PKHD1L1: variants seen among roughly 807,000 people sequenced by gnomAD.
PKHD1L1 encodes PKHD1 like 1, also known as fibrocystin-L.
In PKHD1L1, 434 loss-of-function variants were observed where a neutral mutation model predicts 462.9. The ratio of observed to expected loss-of-function variants is 0.94; its 90% confidence interval spans 0.87 to 1.02. PKHD1L1 has a LOEUF of 1.02. Among genes scored for constraint, PKHD1L1 ranks in the 50% least tolerant of loss-of-function variants. PKHD1L1 has a pLI of 0.00. For synonymous variants in PKHD1L1, 1,781 were observed against 1,750.0 expected (o/e 1.02, Z -0.44); for missense variants, 5,202 against 5,096.1 (o/e 1.02, Z -0.63).
chr8:109,399,148 A>G (rs1304034096), intron 12 of PKHD1L1, among the ~76,000 whole-genome samples: 1 of 152,186 alleles, frequency 6.6e-6, no homozygotes, highest in Non-Finnish European at 1.5e-5. Context: ...ATTTGAAGCC[A>G]AATGAATCGT....
rs71303459 is a variant in PKHD1L1 at position 109,410,726 on chromosome 8, C to CTTTTTTTTTT, written c.2085+760_2085+769dup. 4.0e-3 allele frequency among the ~76,000 whole-genome samples: 271 copies of CTTTTTTTTTT among 68,390 alleles called. 10 individuals carry two copies. The highest frequency in any genetic ancestry group is 0.012 in the Middle Eastern group (2 of 166). The allele number at this position is 68,390 out of a possible 152,430, so 44.9% of individuals were successfully genotyped here. A position where few individuals can be genotyped will look rare whatever the true frequency, so the allele number is the denominator to read the frequency against. ...TTCTTTTTTCTTTTCTTTTCTTTTT[C>CTTTTTTTTTT]TTTTTTTTTTTTTTTTTTTTTGAGA... On this transcript the variant is annotated intron_variant, in intron 19 of 77. Coordinates refer to ENST00000378402, the MANE Select transcript of PKHD1L1 (RefSeq NM_177531.6).
chr8:109,439,934 T>C (rs1815677906), intron 32 of PKHD1L1, among the ~76,000 whole-genome samples: 1 of 152,094 alleles, frequency 6.6e-6, no homozygotes, highest in African/African-American at 2.4e-5. Flanking sequence ...CATCTCTTGG[T>C]TTCACAGGGC....
At chr8:109,465,379 G>A in intron 49 of PKHD1L1, 134 bp downstream of exon 49, 1 of 956,254 alleles carries the variant, frequency 1.0e-6, no homozygotes, top group Admixed American at 2.9e-5. Flanking sequence ...TAATTTAAAT[G>A]ATAGAGGCAA....
At chr8:109,381,914 A>T (rs955470179) in intron 3 of PKHD1L1, among the ~76,000 whole-genome samples, 2 of 152,170 alleles carry the variant, frequency 1.3e-5, no homozygotes, top group Admixed American at 1.3e-4. Context: ...TGACATTTCA[A>T]GTTCTTTACT....
At position 109,452,284 on chromosome 8, in the gene PKHD1L1, A is replaced by G. The variant is rs764930846; in HGVS notation, c.6507+4A>G. On this transcript the variant is annotated splice_donor_region_variant and intron_variant, in intron 42 of 77. Transcript: ENST00000378402. ...AGGTGTCGGCATGGCCAAACTGGTAATAGTGCTGTTGGGTATAGTAATCAC... is the reference window on the plus strand; with the variant it reads ...AGGTGTCGGCATGGCCAAACTGGTAGTAGTGCTGTTGGGTATAGTAATCAC... 3.1e-6 allele frequency: 5 copies of G among 1,597,662 alleles called. No individual in the cohort carries two copies. In the African/African-American group the frequency reaches 4.0e-5, roughly 13 times the overall value.
intron 57 of PKHD1L1, 92 bp from the exon 58 acceptor site, chr8:109,484,952 T>C: frequency 9.6e-7 from 1 of 1,044,340 alleles, no homozygotes. Flanking sequence ...CAATGAGATA[T>C]ACATTAAATT....
At chr8:109,431,677 C>T (rs1815110301) in intron 27 of PKHD1L1, among the ~76,000 whole-genome samples, 1 of 152,172 alleles carries the variant, frequency 6.6e-6, no homozygotes, top group African/African-American at 2.4e-5. Context: ...CCTAATCAAT[C>T]ACCTTAAAGT....
chr8:109,424,583 A>G (rs1814639802), intron 23 of PKHD1L1, among the ~76,000 whole-genome samples: 1 of 152,170 alleles, frequency 6.6e-6, no homozygotes, highest in Non-Finnish European at 1.5e-5. Context: ...CTGTCAATTG[A>G]TTAGCACTGA....
chr8:109,476,401 C>T (rs1460748556), intron 51 of PKHD1L1, 107 bp from the exon 52 acceptor site: 2 of 786,798 alleles, frequency 2.5e-6, no homozygotes, highest in African/African-American at 1.8e-5. Context: ...AAAGCCAAAA[C>T]TTTTAAATCT....
chr8:109,416,727 G>A (rs1025720343), intron 21 of PKHD1L1, among the ~76,000 whole-genome samples: 6 of 152,104 alleles, frequency 3.9e-5, no homozygotes, highest in Admixed American at 6.6e-5. Flanking sequence ...CAGAAGTCGA[G>A]CCAGCCCTGC....
chr8:109,486,072 G>C (rs73704035), intron 58 of PKHD1L1, among the ~76,000 whole-genome samples: 6 of 151,844 alleles, frequency 4.0e-5, no homozygotes, highest in Non-Finnish European at 8.8e-5. Context: ...AAAATGTAGC[G>C]TGTAATCTAG....
intron 67 of PKHD1L1, among the ~76,000 whole-genome samples, chr8:109,499,725 CCTTAGATGAGGACTTT>C (rs1226118708): frequency 1.3e-5 from 2 of 152,050 alleles, no homozygotes; most frequent in African/African-American, 2.4e-5. Context: ...CTAGAAACAG[CCTTAGATGAGGACTTT>C]CATATTAGTG....
Position 109,465,252 on chromosome 8 carries a change from T to C in PKHD1L1, c.8413+7T>C. On this transcript the variant is annotated splice_region_variant and intron_variant, in intron 49 of 77. Transcript: ENST00000378402. ...GTTGATGGCTCACTTACAGGTAATGTTATTTTTTAATTTGTGATAAAAATC... is the reference window on the plus strand; with the variant it reads ...GTTGATGGCTCACTTACAGGTAATGCTATTTTTTAATTTGTGATAAAAATC... 1 of 1,602,832 alleles carries C rather than the reference T, an allele frequency of 6.2e-7. No individual in the cohort carries two copies. Among genetic ancestry groups the C allele is most frequent in the Non-Finnish European group, 8.5e-7 (1 of 1,174,066 alleles).
chr8:109,518,164 T>A lies in PKHD1L1; in HGVS notation c.11690-3T>A. Reference sequence around the variant, plus strand: ...GTGATGTTCTGGCTTTTTTCCTTCATAGACCAATTCCTTCCTAACCTGGAT... The same window carrying A: ...GTGATGTTCTGGCTTTTTTCCTTCAAAGACCAATTCCTTCCTAACCTGGAT... On this transcript the variant is annotated splice_polypyrimidine_tract_variant and splice_region_variant and intron_variant, in intron 72 of 77. Coordinates refer to ENST00000378402, the MANE Select transcript of PKHD1L1 (RefSeq NM_177531.6). The A allele has an allele frequency of 6.5e-7, 1 of 1,547,518 alleles. No homozygotes were observed. The highest frequency in any genetic ancestry group is 8.9e-7 in the Non-Finnish European group (1 of 1,128,888).
intron 71 of PKHD1L1, among the ~76,000 whole-genome samples, chr8:109,514,321 G>C (rs1820155029): frequency 6.6e-6 from 1 of 151,998 alleles, no homozygotes; most frequent in Non-Finnish European, 1.5e-5. Flanking sequence ...TTTCTCCACA[G>C]GATTCATCAC....
At chr8:109,367,611 G>A (rs550524769) in intron 2 of PKHD1L1, among the ~76,000 whole-genome samples, 24 of 152,374 alleles carry the variant, frequency 1.6e-4, no homozygotes, top group African/African-American at 1.9e-4. Context: ...GGCTGGGCAC[G>A]TTGGTCCGTG....
At chr8:109,382,389 G>A (rs1216365880) in intron 3 of PKHD1L1, 74 bp from the exon 4 acceptor site, 3 of 1,232,988 alleles carry the variant, frequency 2.4e-6, no homozygotes, top group East Asian at 2.7e-5. Context: ...GTCTGGGGCA[G>A]TATTTTTCAT....
At chr8:109,425,738 G>A (rs905887346) in intron 24 of PKHD1L1, among the ~76,000 whole-genome samples, 1 of 152,000 alleles carries the variant, frequency 6.6e-6, no homozygotes, top group Non-Finnish European at 1.5e-5. Flanking sequence ...ATTGGAATAT[G>A]ATTTTAAAAG....
chr8:109,461,797 C>T lies in PKHD1L1; in HGVS notation c.7272C>T (p.Leu2424=). 1 of 1,609,340 alleles carries T rather than the reference C, an allele frequency of 6.2e-7. No homozygotes were observed. The highest frequency in any genetic ancestry group is 1.1e-5 in the South Asian group (1 of 89,942). ...DTGEFATQTC[L]QGKFGEEIGS... ...GAGAATTTGCTACACAGACCTGTCTCCAAGGAAAGTTTGGAGAAGAAATAG... is the reference window on the plus strand; with the variant it reads ...GAGAATTTGCTACACAGACCTGTCTTCAAGGAAAGTTTGGAGAAGAAATAG... Residue 2424 remains leucine, a synonymous_variant, in exon 48 of 78, where the codon CTC becomes CTT. Transcript: ENST00000378402.
Sources: allele counts gnomAD v4.1 joint callset (sites outside exome capture counted in the v4.1 genomes callset), GRCh38; gene constraint gnomAD v4.1.1; transcripts MANE v1.5; gene names NCBI Gene and HGNC (gene_info 2026-07-23, HGNC 2026-07-21).